The following FAM13C variants were observed in gnomAD, a reference collection of about 807,000 sequenced individuals.
FAM13C encodes the protein family with sequence similarity 13 member C.
Under a neutral mutation model 73.2 loss-of-function variants are expected in FAM13C, and 37 were observed. The observed-to-expected ratio is 0.51, with a 90% CI of 0.39 to 0.67. The LOEUF is 0.67. Ranked by LOEUF, FAM13C falls within the 30% of genes least tolerant of loss-of-function variation. The probability of loss-of-function intolerance (pLI) is 0.00; values close to 1 mark genes in which losing one functional copy is unlikely to be tolerated. For missense variants in FAM13C, 589 were observed against 715.6 expected (o/e 0.82, Z 2.02); for synonymous variants, 246 against 260.9 (o/e 0.94, Z 0.55).
chr10:59,345,193 C>T (rs1854140832), intron 3 of FAM13C, among the ~76,000 whole-genome samples: 1 of 152,178 alleles, frequency 6.6e-6, no homozygotes, highest in Admixed American at 6.5e-5. Context: ...TCCTCCATTG[C>T]TATACTCAAC....
At chr10:59,355,761 A>G in intron 2 of FAM13C, 126 bp downstream of exon 2, 2 of 976,946 alleles carry the variant, frequency 2.0e-6, no homozygotes, top group Non-Finnish European at 3.1e-6. Context: ...AAAATCTAGT[A>G]GAAGAGATGA....
intron 9 of FAM13C, 118 bp downstream of exon 9, chr10:59,263,967 G>T: frequency 1.1e-6 from 1 of 905,682 alleles, no homozygotes; most frequent in Non-Finnish European, 1.8e-6. Context: ...TACAGTCTAA[G>T]CAGAAAACAA....
intron 3 of FAM13C, among the ~76,000 whole-genome samples, chr10:59,338,426 T>C (rs1431517835): frequency 1.3e-5 from 2 of 152,204 alleles, no homozygotes; most frequent in Non-Finnish European, 2.9e-5. Context: ...AAGAGGGTCC[T>C]GAATCATTCT....
intron 10 of FAM13C, among the ~76,000 whole-genome samples, chr10:59,257,827 T>C (rs1842090492): frequency 6.6e-6 from 1 of 152,230 alleles, no homozygotes; most frequent in Admixed American, 6.5e-5. Context: ...TGAGTTCAGA[T>C]AACCAGCTTC....
At chr10:59,360,957 C>T (rs1856333537) in intron 1 of FAM13C, 3 of 1,219,534 alleles carry the variant, frequency 2.5e-6, no homozygotes, top group African/African-American at 3.1e-5. Context: ...TTGGCCACAC[C>T]AGGCTCCTGA....
At chr10:59,263,695 C>G (rs1247322285) in intron 9 of FAM13C, among the ~76,000 whole-genome samples, 2 of 152,142 alleles carry the variant, frequency 1.3e-5, no homozygotes, top group Admixed American at 1.3e-4. Flanking sequence ...GCTATGTAAC[C>G]CTCCCCTCTC....
At position 59,362,522 on chromosome 10, in the gene FAM13C, C is replaced by G; in HGVS notation, c.-62G>C. 6.3e-7 allele frequency: 1 copy of G among 1,592,616 alleles called. No homozygotes were observed. Among genetic ancestry groups the G allele is most frequent in the East Asian group, 2.3e-5 (1 of 44,376 alleles). On this transcript the variant is annotated 5_prime_UTR_variant, in exon 1 of 14. Coordinates refer to ENST00000618804, the MANE Select transcript of FAM13C (RefSeq NM_198215.4). ...CTCTCCGGGAGTTAGAGCACATACACAAACATGGCATTGCAAGGCAAGTCT... is the reference window on the plus strand; with the variant it reads ...CTCTCCGGGAGTTAGAGCACATACAGAAACATGGCATTGCAAGGCAAGTCT...
upstream of FAM13C, chr10:59,362,610 C>T (rs1856550668): frequency 2.0e-5 from 29 of 1,467,092 alleles, no homozygotes; most frequent in South Asian, 4.0e-4. Context: ...CGTAACGACA[C>T]CCCCAGCAGG....
intron 2 of FAM13C, among the ~76,000 whole-genome samples, chr10:59,354,229 A>G (rs1460882950): frequency 6.6e-6 from 1 of 152,224 alleles, no homozygotes; most frequent in Non-Finnish European, 1.5e-5. Context: ...ATCAAAATTT[A>G]GAAGTGTAAT....
In FAM13C at chr10:59,293,358, G is replaced by A. The variant is rs570841804; in HGVS notation, c.507+9443C>T. 2.5e-3 allele frequency among the ~76,000 whole-genome samples: 386 copies of A among 152,266 alleles called. 2 individuals are homozygous for A. The highest frequency in any genetic ancestry group is 5.0e-3 in the Non-Finnish European group (339 of 68,018). ...CCCAAAGTGCTGGGATTACAGGCGT[G>A]AGCCACTGCGCCCGGCCAAGAACAA... On this transcript the variant is annotated intron_variant, in intron 5 of 13. Coordinates refer to ENST00000618804, the MANE Select transcript of FAM13C (RefSeq NM_198215.4).
chr10:59,345,809 C>A (rs1406194699), intron 3 of FAM13C, among the ~76,000 whole-genome samples: 2 of 152,348 alleles, frequency 1.3e-5, no homozygotes, highest in African/African-American at 4.8e-5. Flanking sequence ...AATCTTCCAG[C>A]AAACCCACAC....
chr10:59,297,696 A>G (rs1847082918), intron 5 of FAM13C, among the ~76,000 whole-genome samples: 1 of 152,184 alleles, frequency 6.6e-6, no homozygotes, highest in Admixed American at 6.5e-5. Context: ...ATAAACTTCA[A>G]GGATCTCAAA....
At chr10:59,296,634 G>GC (rs1846956312) in intron 5 of FAM13C, among the ~76,000 whole-genome samples, 1 of 152,262 alleles carries the variant, frequency 6.6e-6, no homozygotes, top group East Asian at 1.9e-4. Context: ...TCTGTTGCAT[G>GC]CTAGTAATTT....
chr10:59,306,602 G>A (rs953779209), intron 4 of FAM13C, among the ~76,000 whole-genome samples: 3 of 152,192 alleles, frequency 2.0e-5, no homozygotes, highest in South Asian at 2.1e-4. Context: ...GAGGCCGGGC[G>A]TTGTGTCTCA....
At position 59,310,148 on chromosome 10, in the gene FAM13C, G is replaced by A. The variant is rs7908499; in HGVS notation, c.444-7284C>T. The stretch of plus-strand genomic sequence containing the variant: ...CACATAGAATCAGAGCCTTAGAACT[G>A]AGCAGTGCTGACTCCCATCACATCT... On this transcript the variant is annotated intron_variant, in intron 4 of 13. Coordinates refer to ENST00000618804, the MANE Select transcript of FAM13C (RefSeq NM_198215.4). Among the ~76,000 whole-genome samples the A allele has an allele frequency of 4.0e-3, 610 of 152,206 alleles. 7 individuals are homozygous for A. Among genetic ancestry groups the A allele is most frequent in the African/African-American group, 0.014 (585 of 41,514 alleles).
At chr10:59,254,182 G>C in intron 11 of FAM13C, 166 bp downstream of exon 11, 1 of 412,806 alleles carries the variant, frequency 2.4e-6, no homozygotes, top group South Asian at 1.1e-4. Context: ...GTTAAATATA[G>C]TAATGGGGTT....
At chr10:59,319,620 A>G (rs1017868974) in intron 4 of FAM13C, among the ~76,000 whole-genome samples, 2 of 152,142 alleles carry the variant, frequency 1.3e-5, no homozygotes, top group African/African-American at 4.8e-5. Flanking sequence ...AATCAGTCAA[A>G]CTAATGCATA....
intron 3 of FAM13C, among the ~76,000 whole-genome samples, chr10:59,351,970 TGG>T (rs1564624688): frequency 2.0e-5 from 3 of 151,946 alleles, no homozygotes; most frequent in Non-Finnish European, 2.9e-5. Context: ...TGCTCCAGCC[TGG>T]GGGATAGAAC....
Position 59,270,178 on chromosome 10 carries a change from TA to T in FAM13C, c.593-70del, listed in dbSNP as rs1211521545. 9 of 1,457,652 alleles carry T rather than the reference TA, an allele frequency of 6.2e-6. No individual in the cohort carries two copies. The East Asian group carries it at 2.1e-4, about 33-fold the overall frequency. The allele number at this position is 1,457,652 out of a possible 1,614,324, so 90.3% of individuals were successfully genotyped here. A position where few individuals can be genotyped will look rare whatever the true frequency, so the allele number is the denominator to read the frequency against. On this transcript the variant is annotated intron_variant, in intron 6 of 13. Transcript: ENST00000618804. ...GGCTTGAGACTGTCATGTTCCTAAA[TA>T]AAGATCATAAGCATTCATTATAATG...
Sources: allele counts gnomAD v4.1 joint callset (sites outside exome capture counted in the v4.1 genomes callset), GRCh38; gene constraint gnomAD v4.1.1; transcripts MANE v1.5; gene names NCBI Gene and HGNC (gene_info 2026-07-23, HGNC 2026-07-21).